Variants in GRXCR1 observed in about 807,000 individuals in gnomAD.
GRXCR1 encodes the protein glutaredoxin and cysteine rich domain containing 1.
A neutral mutation model predicts 27.3 loss-of-function variants in GRXCR1; 27 were observed. The observed-to-expected ratio is 0.99, with a 90% CI of 0.73 to 1.37. The LOEUF is 1.37. Among genes scored for constraint, GRXCR1 ranks in the 40% most tolerant of loss-of-function variants. The pLI, the probability that GRXCR1 is intolerant of heterozygous loss-of-function variation, is 0.00. For synonymous variants in GRXCR1, 122 were observed against 131.1 expected, an observed-to-expected ratio of 0.93 and a Z score of 0.47; for missense variants, 379 against 354.4, an observed-to-expected ratio of 1.07 and a Z score of -0.56.
chr4:43,007,918 G>A (rs534090213), intron 2 of GRXCR1, among the ~76,000 whole-genome samples: 28 of 152,160 alleles, frequency 1.8e-4, no homozygotes, highest in South Asian at 8.3e-4. Context: ...ACTTTAAAGC[G>A]TTTTGCCCAT....
At chr4:42,979,839 C>A (rs559285757) in intron 2 of GRXCR1, among the ~76,000 whole-genome samples, 2 of 151,972 alleles carry the variant, frequency 1.3e-5, no homozygotes, top group African/African-American at 4.8e-5. Context: ...CTTATTCAAT[C>A]TCCTTATTAT....
At chr4:42,900,803 C>T (rs1477999027) in intron 1 of GRXCR1, among the ~76,000 whole-genome samples, 3 of 152,062 alleles carry the variant, frequency 2.0e-5, no homozygotes, top group African/African-American at 7.2e-5. Context: ...TGTGGGGGGT[C>T]TACAGATTGA....
chr4:43,015,259 T>C (rs189385518), intron 2 of GRXCR1, among the ~76,000 whole-genome samples: 11 of 152,160 alleles, frequency 7.2e-5, no homozygotes, highest in Admixed American at 4.6e-4. Flanking sequence ...AGAGTTTGGG[T>C]TTTACCCTAA....
chr4:42,919,149 G>A (rs1746951027), intron 1 of GRXCR1, among the ~76,000 whole-genome samples: 1 of 152,064 alleles, frequency 6.6e-6, no homozygotes, highest in African/African-American at 2.4e-5. Flanking sequence ...TGAGAAAATT[G>A]ACCAACATGG....
At chr4:42,905,787 G>A (rs530414752) in intron 1 of GRXCR1, among the ~76,000 whole-genome samples, 5 of 152,262 alleles carry the variant, frequency 3.3e-5, no homozygotes, top group Admixed American at 1.3e-4. Context: ...AGTGTCTTAC[G>A]TTTCATGTGA....
At chr4:43,003,870 G>C (rs1051588288) in intron 2 of GRXCR1, among the ~76,000 whole-genome samples, 1 of 152,228 alleles carries the variant, frequency 6.6e-6, no homozygotes, top group African/African-American at 2.4e-5. Context: ...CCATGTGGTA[G>C]AAAAGAAGAA....
chr4:42,893,123 G>T lies in GRXCR1; in HGVS notation c.-144G>T. The stretch of plus-strand genomic sequence containing the variant: ...AGCAGAGACACACTGTAAGTCCTTG[G>T]GAATCTTCTTTCCTTTTGATGTTAG... On this transcript the variant is annotated 5_prime_UTR_variant, in exon 1 of 4. Transcript: ENST00000399770. 1.1e-6 allele frequency: 1 copy of T among 880,510 alleles called. No homozygotes were observed. The highest frequency in any genetic ancestry group is 2.4e-5 in the East Asian group (1 of 40,880). 54.5% of individuals were successfully genotyped at this position (880,510 alleles called of 1,614,324 possible).
At chr4:43,023,156 T>C (rs1250866269) in intron 3 of GRXCR1, among the ~76,000 whole-genome samples, 2 of 152,058 alleles carry the variant, frequency 1.3e-5, no homozygotes, top group Non-Finnish European at 1.5e-5. Flanking sequence ...AGTAGTTTCC[T>C]AGGAGGTAAG....
chr4:42,966,532 T>C (rs532492385), intron 2 of GRXCR1, among the ~76,000 whole-genome samples: 1 of 152,200 alleles, frequency 6.6e-6, no homozygotes, highest in African/African-American at 2.4e-5. Context: ...CACAGCTAGG[T>C]TACAAACTAG....
At chr4:43,004,097 G>T (rs1712471492) in intron 2 of GRXCR1, among the ~76,000 whole-genome samples, 1 of 152,212 alleles carries the variant, frequency 6.6e-6, no homozygotes, top group Non-Finnish European at 1.5e-5. Context: ...CTTGGGACAT[G>T]GCACCCTGCA....
intron 1 of GRXCR1, among the ~76,000 whole-genome samples, chr4:42,932,660 AGAG>A (rs1171300090): frequency 6.1e-4 from 74 of 121,672 alleles, no homozygotes; most frequent in African/African-American, 2.2e-3. Flanking sequence ...AGAGAGAGAG[AGAG>A]AGGCAATCTG....
rs865779528 is a variant in GRXCR1, at chr4:42,962,891, G to C, written c.385-1G>C. On this transcript the variant is annotated splice_acceptor_variant, in intron 1 of 3. Coordinates refer to ENST00000399770, the MANE Select transcript of GRXCR1 (RefSeq NM_001080476.3). LOFTEE classifies it high-confidence loss of function. ...CTTACAACTCAATGTTTTCCCTTCA[G>C]CAACCATCAACTGATCTAGAATTTG... 1 of 1,612,388 alleles carries C rather than the reference G, an allele frequency of 6.2e-7. No homozygotes were observed. The highest frequency in any genetic ancestry group is 1.1e-5 in the South Asian group (1 of 91,046).
intron 2 of GRXCR1, among the ~76,000 whole-genome samples, chr4:43,011,520 G>A (rs1712750106): frequency 6.6e-6 from 1 of 152,126 alleles, no homozygotes; most frequent in Non-Finnish European, 1.5e-5. Context: ...GGTGGTAAGA[G>A]CTTCTCATTG....
chr4:43,022,861 C>T (rs1185112675), intron 3 of GRXCR1, among the ~76,000 whole-genome samples: 1 of 152,138 alleles, frequency 6.6e-6, no homozygotes, highest in African/African-American at 2.4e-5. Context: ...AAGATATATT[C>T]CCGGCATTTT....
At chr4:42,971,592 G>A (rs1045967432) in intron 2 of GRXCR1, among the ~76,000 whole-genome samples, 3 of 151,864 alleles carry the variant, frequency 2.0e-5, no homozygotes, top group Admixed American at 2.0e-4. Context: ...TTCCACCCAC[G>A]TTCAAAAAAC....
intron 1 of GRXCR1, among the ~76,000 whole-genome samples, chr4:42,899,302 A>C (rs922556505): frequency 1.3e-5 from 2 of 152,216 alleles, no homozygotes; most frequent in Non-Finnish European, 2.9e-5. Flanking sequence ...TTTACTGCAT[A>C]TCTACCGTGA....
intron 2 of GRXCR1, among the ~76,000 whole-genome samples, chr4:43,013,495 G>A (rs1419551275): frequency 6.6e-6 from 1 of 152,132 alleles, no homozygotes; most frequent in Non-Finnish European, 1.5e-5. Flanking sequence ...GGGGAGGGAT[G>A]GAGGGGAGCA....
At chr4:42,970,149 G>T (rs1188680366) in intron 2 of GRXCR1, among the ~76,000 whole-genome samples, 1 of 152,158 alleles carries the variant, frequency 6.6e-6, no homozygotes, top group Non-Finnish European at 1.5e-5. Flanking sequence ...GCCTTGGGCA[G>T]TTCTGCCTCT....
At chr4:42,993,462 C>T (rs141029707) in intron 2 of GRXCR1, among the ~76,000 whole-genome samples, 2,425 of 151,908 alleles carry the variant, frequency 0.016, 25 homozygotes, top group South Asian at 0.037. Context: ...GGTTATGTCT[C>T]GGTAAACTCA....
Sources: allele counts gnomAD v4.1 joint callset (sites outside exome capture counted in the v4.1 genomes callset), GRCh38; gene constraint gnomAD v4.1.1; transcripts MANE v1.5; gene names NCBI Gene and HGNC (gene_info 2026-07-23, HGNC 2026-07-21).